The following TECRL variants were observed in gnomAD, a reference collection of about 807,000 sequenced individuals.
TECRL encodes trans-2,3-enoyl-CoA reductase-like.
In TECRL, 63 loss-of-function variants were observed where a neutral mutation model predicts 52.8. That is an observed-to-expected ratio of 1.19 (90% confidence interval 0.97 to 1.47). TECRL has a LOEUF of 1.47. Ranked by LOEUF, TECRL falls within the 40% of genes most tolerant of loss-of-function variation. TECRL has a pLI of 0.00. For synonymous variants in TECRL, 164 were observed against 141.9 expected (o/e 1.16, Z -1.10); for missense variants, 482 against 429.6 (o/e 1.12, Z -1.08).
intron 2 of TECRL, among the ~76,000 whole-genome samples, chr4:64,346,909 A>G (rs1490080559): frequency 2.0e-5 from 3 of 152,180 alleles, no homozygotes; most frequent in Non-Finnish European, 4.4e-5. Context: ...TGAAAAATTT[A>G]TCGCTACTGT....
chr4:64,362,097 A>G (rs1721239706), intron 2 of TECRL, among the ~76,000 whole-genome samples: 1 of 152,188 alleles, frequency 6.6e-6, no homozygotes, highest in Non-Finnish European at 1.5e-5. Context: ...AGCTGAGAAA[A>G]GAATCTCGGA....
chr4:64,407,608 C>A (rs985889589), intron 1 of TECRL, among the ~76,000 whole-genome samples: 1 of 151,506 alleles, frequency 6.6e-6, no homozygotes, highest in Non-Finnish European at 1.5e-5. Context: ...GACACAATAA[C>A]CAGTGTCATT....
intron 3 of TECRL, among the ~76,000 whole-genome samples, chr4:64,325,550 A>C (rs1401046864): frequency 6.6e-6 from 1 of 152,146 alleles, no homozygotes; most frequent in Admixed American, 6.6e-5. Context: ...TATACTGCTA[A>C]ATTTGTGTAA....
At chr4:64,368,996 T>G (rs1238103859) in intron 2 of TECRL, among the ~76,000 whole-genome samples, 1 of 152,166 alleles carries the variant, frequency 6.6e-6, no homozygotes, top group Non-Finnish European at 1.5e-5. Context: ...TCCTGCTAAT[T>G]TCATTGTTTC....
rs1560563581 is a variant in TECRL, at chr4:64,402,723, C to G, written c.234+6395G>C. On this transcript the variant is annotated intron_variant, in intron 1 of 11. Coordinates refer to ENST00000381210, the MANE Select transcript of TECRL (RefSeq NM_001010874.5). The stretch of plus-strand genomic sequence containing the variant: ...TGACACATGTAGTAATAGAGAAGAG[C>G]TAGAAAGTAATCTCAAGAATGTGAA... 2.0e-5 allele frequency among the ~76,000 whole-genome samples: 3 copies of G among 152,054 alleles called. 1 individual carries two copies. The highest frequency in any genetic ancestry group is 3.9e-4 in the East Asian group (2 of 5,172).
At position 64,278,337 on chromosome 4, in the gene TECRL, A is replaced by G. The variant is rs947185211; in HGVS notation, c.*1735T>C. The stretch of plus-strand genomic sequence containing the variant: ...CCGCAAGAATTTGAACTAATGACAT[A>G]ATACCTATGACACATCTCACTAACA... On this transcript the variant is annotated 3_prime_UTR_variant, in exon 12 of 12. Transcript: ENST00000381210. 2.3e-5 allele frequency: 4 copies of G among 175,404 alleles called. No homozygotes were observed. The highest frequency in any genetic ancestry group is 9.6e-5 in the African/African-American group (4 of 41,788). 10.9% of individuals were successfully genotyped at this position (175,404 alleles called of 1,614,324 possible). A position where few individuals can be genotyped will look rare whatever the true frequency, so the allele number is the denominator to read the frequency against.
At chr4:64,368,341 G>A (rs1721749543) in intron 2 of TECRL, among the ~76,000 whole-genome samples, 1 of 152,072 alleles carries the variant, frequency 6.6e-6, no homozygotes, top group South Asian at 2.1e-4. Flanking sequence ...TGTCGCCCAG[G>A]CTGGAGTGCA....
chr4:64,345,138 A>C (rs1465980247), intron 2 of TECRL, among the ~76,000 whole-genome samples: 1 of 152,186 alleles, frequency 6.6e-6, no homozygotes, highest in Non-Finnish European at 1.5e-5. Flanking sequence ...CCATTGTGGA[A>C]GTCAGTGTGG....
intron 3 of TECRL, among the ~76,000 whole-genome samples, chr4:64,327,737 G>A (rs1407400697): frequency 6.6e-6 from 1 of 151,864 alleles, no homozygotes; most frequent in Non-Finnish European, 1.5e-5. Flanking sequence ...GAGACTCAAA[G>A]AAATAATCAT....
intron 7 of TECRL, among the ~76,000 whole-genome samples, chr4:64,304,207 G>C (rs1209574476): frequency 1.3e-5 from 2 of 151,918 alleles, no homozygotes; most frequent in South Asian, 4.1e-4. Flanking sequence ...CGTTGTAAAG[G>C]TAATAAGTAC....
chr4:64,335,714 C>G (rs1333338018), intron 2 of TECRL, among the ~76,000 whole-genome samples: 3 of 152,156 alleles, frequency 2.0e-5, no homozygotes, highest in Non-Finnish European at 2.9e-5. Context: ...TCTTCCTCTT[C>G]TTCAACTAGT....
chr4:64,408,656 A>G (rs758486383), intron 1 of TECRL, among the ~76,000 whole-genome samples: 3 of 152,080 alleles, frequency 2.0e-5, no homozygotes, highest in Non-Finnish European at 4.4e-5. Context: ...TGCTTAAATG[A>G]TTAAATTTTT....
At chr4:64,355,794 CAA>C (rs1161940429) in intron 2 of TECRL, among the ~76,000 whole-genome samples, 1 of 119,726 alleles carries the variant, frequency 8.4e-6, no homozygotes. Context: ...GACTCTGTCT[CAA>C]AAAAAAAAAA....
chr4:64,404,239 A>G (rs566805887), intron 1 of TECRL, among the ~76,000 whole-genome samples: 178 of 150,940 alleles, frequency 1.2e-3, no homozygotes, highest in Middle Eastern at 6.8e-3. Flanking sequence ...AAAAAAAACA[A>G]TAGGAGAAAG....
chr4:64,276,784 CTTA>C (rs1169518617), downstream of TECRL: 2 of 296,938 alleles, frequency 6.7e-6, no homozygotes, highest in Middle Eastern at 9.4e-4. Flanking sequence ...GCAATGCAAA[CTTA>C]TTATTTACAT....
At chr4:64,344,834 A>G (rs1719838055) in intron 2 of TECRL, among the ~76,000 whole-genome samples, 1 of 152,186 alleles carries the variant, frequency 6.6e-6, no homozygotes. Flanking sequence ...GTTGTCTTAA[A>G]CAATAAGACA....
intron 1 of TECRL, among the ~76,000 whole-genome samples, chr4:64,402,887 C>T (rs1424945667): frequency 6.6e-6 from 1 of 152,098 alleles, no homozygotes; most frequent in Non-Finnish European, 1.5e-5. Flanking sequence ...ATCCCCCATC[C>T]CAGATTAGAG....
At chr4:64,356,270 T>C (rs1454850020) in intron 2 of TECRL, among the ~76,000 whole-genome samples, 1 of 152,110 alleles carries the variant, frequency 6.6e-6, no homozygotes, top group Non-Finnish European at 1.5e-5. Flanking sequence ...GCGAAAGACC[T>C]GACCGTCCCC....
chr4:64,385,951 C>A (rs141647652), intron 1 of TECRL, among the ~76,000 whole-genome samples: 1 of 152,144 alleles, frequency 6.6e-6, no homozygotes, highest in Non-Finnish European at 1.5e-5. Flanking sequence ...TGATTCAGAG[C>A]TTTCATGCCA....
Sources: allele counts gnomAD v4.1 joint callset (sites outside exome capture counted in the v4.1 genomes callset), GRCh38; gene constraint gnomAD v4.1.1; transcripts MANE v1.5; gene names NCBI Gene and HGNC (gene_info 2026-07-23, HGNC 2026-07-21).